SPA17: variants seen among roughly 807,000 people sequenced by gnomAD.
The protein encoded by SPA17 is sperm autoantigenic protein 17, also known as sperm surface protein Sp17.
SPA17 carries 7 observed loss-of-function variants against 13.8 expected under a neutral mutation model. The observed-to-expected ratio is 0.51, with a 90% CI of 0.29 to 0.95. The LOEUF is 0.95. Among genes scored for constraint, SPA17 ranks in the 40% least tolerant of loss-of-function variants. The pLI is 0.08. For missense variants in SPA17, 170 were observed against 179.3 expected, an observed-to-expected ratio of 0.95 and a Z score of 0.30; for synonymous variants, 61 against 59.0, an observed-to-expected ratio of 1.03 and a Z score of -0.16.
In SPA17 at chr11:124,675,301, C is replaced by T; in HGVS notation, c.37C>T (p.Pro13Ser). 6.2e-7 allele frequency: 1 copy of T among 1,614,108 alleles called. No individual in the cohort carries two copies. Among genetic ancestry groups the T allele is most frequent in the Non-Finnish European group, 8.5e-7 (1 of 1,180,014 alleles). The stretch of plus-strand genomic sequence containing the variant: ...ATTCTCCAACACCCACTACCGAATT[C>T]CACAAGGATTTGGGAATCTTCTTGA... ...IPFSNTHYRI[P>S]QGFGNLLEGL... The change falls in exon 2 of 5, where the codon CCA becomes TCA. Residue 13 changes from proline to serine, a missense_variant. Coordinates refer to ENST00000227135, the MANE Select transcript of SPA17 (RefSeq NM_017425.4).
At chr11:124,688,538 A>G (rs1321584474) in intron 3 of SPA17, among the ~76,000 whole-genome samples, 1 of 152,218 alleles carries the variant, frequency 6.6e-6, no homozygotes, top group African/African-American at 2.4e-5. Context: ...GAGGTGAAAA[A>G]GCTGTACAAG....
At chr11:124,688,623 C>A (rs1809747359) in intron 3 of SPA17, among the ~76,000 whole-genome samples, 1 of 152,154 alleles carries the variant, frequency 6.6e-6, no homozygotes, top group Non-Finnish European at 1.5e-5. Flanking sequence ...GCTCATGGAT[C>A]AAAAGAATTA....
chr11:124,684,682 A>G lies in SPA17; in HGVS notation c.225+3223A>G, dbSNP rs1264442747. On this transcript the variant is annotated intron_variant, in intron 3 of 4. Coordinates refer to ENST00000227135, the MANE Select transcript of SPA17 (RefSeq NM_017425.4). ...TTTGGAGGGCTCAGAAGACAAGAAG[A>G]TGTTGGAAAATCTGGAACTTCCTAG... 3.9e-5 allele frequency among the ~76,000 whole-genome samples: 6 copies of G among 152,206 alleles called. No individual in the cohort carries two copies. The East Asian group carries it at 9.6e-4, about 24-fold the overall frequency.
Position 124,691,773 on chromosome 11 carries a change from C to T in SPA17, c.303C>T (p.Val101=). 1 of 1,605,172 alleles carries T rather than the reference C, an allele frequency of 6.2e-7. No individual in the cohort carries two copies. The highest frequency in any genetic ancestry group is 8.5e-7 in the Non-Finnish European group (1 of 1,174,188). The part of the protein sequence containing the change: ...QISGKEEETS[V]TILDSSEEDK... The stretch of plus-strand genomic sequence containing the variant: ...CTGGGAAGGAGGAAGAGACATCAGT[C>T]ACCATCTTAGTATGTAATATTTTTC... The change falls in exon 4 of 5, where the codon GTC becomes GTT. Residue 101 remains valine (V), a synonymous_variant. Coordinates refer to ENST00000227135, the MANE Select transcript of SPA17 (RefSeq NM_017425.4).
In SPA17 at chr11:124,694,698, T is replaced by C. The variant is rs911076488; in HGVS notation, c.*252T>C. On this transcript the variant is annotated 3_prime_UTR_variant, in exon 5 of 5. Transcript: ENST00000227135. ...CTATAGAGACCCTTGGATTTAGAATTATAGAACTAAAGTATCTGAGATTAC... is the reference window on the plus strand; with the variant it reads ...CTATAGAGACCCTTGGATTTAGAATCATAGAACTAAAGTATCTGAGATTAC... The C allele has an allele frequency of 5.8e-6, 2 of 345,414 alleles. No homozygotes were observed. The highest frequency in any genetic ancestry group is 2.1e-5 in the African/African-American group (1 of 46,598). 21.4% of individuals were successfully genotyped at this position (345,414 alleles called of 1,614,324 possible). A position where few individuals can be genotyped will look rare whatever the true frequency, so the allele number is the denominator to read the frequency against.
At chr11:124,677,872 T>TA (rs1278474199) in intron 2 of SPA17, among the ~76,000 whole-genome samples, 3 of 152,236 alleles carry the variant, frequency 2.0e-5, no homozygotes, top group Admixed American at 2.0e-4. Context: ...AAATGGCACT[T>TA]ATGAAAGTAT....
intron 1 of SPA17, chr11:124,674,970 A>G: frequency 4.5e-6 from 1 of 220,316 alleles, no homozygotes; most frequent in African/African-American, 2.3e-5. Flanking sequence ...ATAAAGGGTA[A>G]AGAGAGAAAA....
rs184176744 is a variant in SPA17, at chr11:124,695,862, A to G, written c.*1416A>G. On this transcript the variant is annotated 3_prime_UTR_variant, in exon 5 of 5. Coordinates refer to ENST00000227135, the MANE Select transcript of SPA17 (RefSeq NM_017425.4). Reference sequence around the variant, plus strand: ...GTTGTCACAACAAATACTCTCCTACAAACACTTTGATCCTTGTCCTAGGCT... The same window carrying G: ...GTTGTCACAACAAATACTCTCCTACGAACACTTTGATCCTTGTCCTAGGCT... 2.6e-5 allele frequency: 4 copies of G among 152,328 alleles called. No homozygotes were observed. In the East Asian group the frequency reaches 5.8e-4, roughly 22 times the overall value. 9.4% of individuals were successfully genotyped at this position (152,328 alleles called of 1,614,324 possible). A position where few individuals can be genotyped will look rare whatever the true frequency, so the allele number is the denominator to read the frequency against.
chr11:124,690,650 G>A (rs1033594318), intron 3 of SPA17, among the ~76,000 whole-genome samples: 1 of 152,098 alleles, frequency 6.6e-6, no homozygotes, highest in African/African-American at 2.4e-5. Flanking sequence ...AAAGTATTGG[G>A]CCCCATTCCA....
At chr11:124,691,933 G>A in intron 4 of SPA17, 151 bp downstream of exon 4, 1 of 471,440 alleles carries the variant, frequency 2.1e-6, no homozygotes, top group Non-Finnish European at 3.6e-6. Context: ...TAAACTAACT[G>A]GTAGATAATT....
chr11:124,685,425 C>T (rs1943568732), intron 3 of SPA17, among the ~76,000 whole-genome samples: 1 of 152,226 alleles, frequency 6.6e-6, no homozygotes, highest in African/African-American at 2.4e-5. Context: ...CCTGGATGTC[C>T]AGGCAGAAGT....
intron 2 of SPA17, 94 bp downstream of exon 2, chr11:124,675,512 G>A (rs1943451218): frequency 7.2e-7 from 1 of 1,390,690 alleles, no homozygotes; most frequent in East Asian, 2.4e-5. Flanking sequence ...TCTGCAGAAA[G>A]CCTTTTATGA....
chr11:124,693,695 A>G (rs1943645378), intron 4 of SPA17, among the ~76,000 whole-genome samples: 1 of 152,132 alleles, frequency 6.6e-6, no homozygotes. Flanking sequence ...TGTATATTCA[A>G]TTGTACGCTG....
At chr11:124,692,386 C>T (rs920095036) in intron 4 of SPA17, among the ~76,000 whole-genome samples, 1 of 152,050 alleles carries the variant, frequency 6.6e-6, no homozygotes, top group African/African-American at 2.4e-5. Flanking sequence ...TGAGACCATC[C>T]TGGCTAACAC....
Position 124,673,980 on chromosome 11 carries a change from G to A in SPA17, c.-28+28G>A, listed in dbSNP as rs1018226333. The A allele has an allele frequency of 9.3e-6, 5 of 535,024 alleles. No homozygotes were observed. The Admixed American group carries it at 9.4e-5, about 10-fold the overall frequency. The allele number at this position is 535,024 out of a possible 1,614,324, so 33.1% of individuals were successfully genotyped here. A position where few individuals can be genotyped will look rare whatever the true frequency, so the allele number is the denominator to read the frequency against. On this transcript the variant is annotated intron_variant, in intron 1 of 4. Transcript: ENST00000227135. The stretch of plus-strand genomic sequence containing the variant: ...GAGGCCGCTTCCCCACTTCCTCTCC[G>A]ATACCAAGACCTAGCCTTTTCCCTT...
intron 1 of SPA17, chr11:124,674,720 C>T (rs1943436606): frequency 6.6e-6 from 1 of 151,674 alleles, no homozygotes; most frequent in Non-Finnish European, 1.5e-5. Flanking sequence ...CCCCATTCCA[C>T]AGTACGAAGG....
chr11:124,680,718 T>C (rs922935317), intron 2 of SPA17, among the ~76,000 whole-genome samples: 2 of 152,058 alleles, frequency 1.3e-5, no homozygotes, highest in African/African-American at 4.8e-5. Context: ...AATAAATAAT[T>C]GTAGATAAAA....
In SPA17 at chr11:124,691,739, C is replaced by G. The variant is rs868855451; in HGVS notation, c.269C>G (p.Ser90Cys). ...PEKSDPKQEE[S>C]QISGKEEETS... Reference sequence around the variant, plus strand: ...AAAAGTGATCCTAAACAAGAAGAGTCTCAGATATCTGGGAAGGAGGAAGAG... The same window carrying G: ...AAAAGTGATCCTAAACAAGAAGAGTGTCAGATATCTGGGAAGGAGGAAGAG... The change falls in exon 4 of 5, where the codon TCT becomes TGT. Residue 90 changes from serine (S) to cysteine (C), a missense_variant. Ser to Cys is a moderately radical substitution (Grantham distance 112). Transcript: ENST00000227135. 1.9e-6 allele frequency: 3 copies of G among 1,612,492 alleles called. No homozygotes were observed. The highest frequency in any genetic ancestry group is 2.5e-6 in the Non-Finnish European group (3 of 1,179,402).
chr11:124,696,830 T>C lies in SPA17; in HGVS notation c.*2384T>C, dbSNP rs1157509253. The C allele has an allele frequency of 6.6e-6, 1 of 152,208 alleles. No homozygotes were observed. The highest frequency in any genetic ancestry group is 2.4e-5 in the African/African-American group (1 of 41,456). The allele number at this position is 152,208 out of a possible 1,614,324, so 9.4% of individuals were successfully genotyped here. A position where few individuals can be genotyped will look rare whatever the true frequency, so the allele number is the denominator to read the frequency against. On this transcript the variant is annotated 3_prime_UTR_variant, in exon 5 of 5. Transcript: ENST00000227135. ...CTGCCTGCGAACTTCTATATTCAAC[T>C]GCCTACATAACATCCCCATTTGGAT...
Sources: gnomAD v4.1 joint callset for allele counts (sites outside exome capture counted in the v4.1 genomes callset) on GRCh38, gnomAD v4.1.1 for gene constraint, MANE v1.5 for transcripts, NCBI Gene and HGNC (gene_info 2026-07-23, HGNC 2026-07-21) for gene names.